The following GANAB variants were observed in gnomAD, a reference collection of about 807,000 sequenced individuals.
The protein encoded by GANAB is neutral alpha-glucosidase AB.
Under a neutral mutation model 129.9 loss-of-function variants are expected in GANAB, and 35 were observed. The observed-to-expected ratio is 0.27, with a 90% CI of 0.21 to 0.36. GANAB has a LOEUF of 0.36. GANAB is among the 10% of genes least tolerant of loss of function. The probability of loss-of-function intolerance (pLI) is 1.00; values close to 1 mark genes in which losing one functional copy is unlikely to be tolerated. For synonymous variants in GANAB, 482 were observed against 451.8 expected (o/e 1.07, Z -0.85); for missense variants, 939 against 1,221.0 (o/e 0.77, Z 3.44).
intron 9 of GANAB, among the ~76,000 whole-genome samples, chr11:62,632,044 G>GC (rs923152607): frequency 1.1e-4 from 16 of 151,298 alleles, no homozygotes; most frequent in Non-Finnish European, 1.9e-4. Flanking sequence ...TGAAATCTCC[G>GC]CTCACTGCAA....
At chr11:62,644,245 ACAC>A (rs1232457786) in intron 1 of GANAB, among the ~76,000 whole-genome samples, 6 of 152,178 alleles carry the variant, frequency 3.9e-5, no homozygotes, top group African/African-American at 1.2e-4. Flanking sequence ...TGCCCGGCTG[ACAC>A]CACATTTTAA....
At chr11:62,646,481 G>C (rs950879466) in intron 1 of GANAB, 81 bp downstream of exon 1, 34 of 1,490,596 alleles carry the variant, frequency 2.3e-5, no homozygotes, top group Admixed American at 1.4e-4. Flanking sequence ...AGAGTGTCAA[G>C]AGACACACAG....
chr11:62,646,446 G>A (rs1472250113), intron 1 of GANAB, 116 bp downstream of exon 1: 15 of 1,202,342 alleles, frequency 1.2e-5, no homozygotes, highest in East Asian at 1.2e-4. Context: ...GAGGAACAAA[G>A]GTTCCTCACG....
intron 20 of GANAB, 82 bp from the exon 21 acceptor site, chr11:62,626,766 GC>G: frequency 1.5e-6 from 2 of 1,297,042 alleles, no homozygotes; most frequent in Non-Finnish European, 1.1e-6. Flanking sequence ...ACTCATGTAT[GC>G]CCACATAGGT....
chr11:62,625,124 T>C lies in GANAB; in HGVS notation c.*691A>G, dbSNP rs1216487884. ...GGGGGCAAAAGAAGTTTAATGCGCATCCCCTAAGAGGTGTGGAAACGTCTT... is the reference window on the plus strand; with the variant it reads ...GGGGGCAAAAGAAGTTTAATGCGCACCCCCTAAGAGGTGTGGAAACGTCTT... On this transcript the variant is annotated 3_prime_UTR_variant, in exon 24 of 24. Transcript: ENST00000356638. 2.4e-6 allele frequency: 1 copy of C among 425,516 alleles called. No homozygotes were observed. 26.4% of individuals were successfully genotyped at this position (425,516 alleles called of 1,614,324 possible).
At chr11:62,634,465 A>C (rs974208535) in intron 5 of GANAB, 5 of 839,118 alleles carry the variant, frequency 6.0e-6, no homozygotes, top group Non-Finnish European at 1.0e-5. Flanking sequence ...TCAGTCGACA[A>C]ACTTCCAGAG....
Position 62,629,477 on chromosome 11 carries a change from A to C in GANAB, c.1834+111T>G. 4.8e-6 allele frequency: 4 copies of C among 832,944 alleles called. No homozygotes were observed. In the South Asian group the frequency reaches 6.5e-5, roughly 13 times the overall value. 51.6% of individuals were successfully genotyped at this position (832,944 alleles called of 1,614,324 possible). A position where few individuals can be genotyped will look rare whatever the true frequency, so the allele number is the denominator to read the frequency against. On this transcript the variant is annotated intron_variant, in intron 15 of 23. Coordinates refer to ENST00000356638, the MANE Select transcript of GANAB (RefSeq NM_198334.3). ...TCCTTCAAAGCGCATAGCTGAGAGG[A>C]AACAGATGCAGTGTGTGGCTCCCAT... is the stretch of plus-strand genomic sequence containing the variant.
chr11:62,639,353 C>G lies in GANAB; in HGVS notation c.252+6G>C, dbSNP rs1195643609. The stretch of plus-strand genomic sequence containing the variant: ...CCCCACCAGACTCTTCCTTGTCTCT[C>G]CTGACCTTGGTGACCTCATGGATCA... On this transcript the variant is annotated splice_donor_region_variant and intron_variant, in intron 3 of 23. Coordinates refer to ENST00000356638, the MANE Select transcript of GANAB (RefSeq NM_198334.3). 2 of 1,582,400 alleles carry G rather than the reference C, an allele frequency of 1.3e-6. No individual in the cohort carries two copies. Among genetic ancestry groups the G allele is most frequent in the Admixed American group, 3.3e-5 (2 of 59,916 alleles).
At chr11:62,633,751 G>A in intron 5 of GANAB, 1 of 579,526 alleles carries the variant, frequency 1.7e-6, no homozygotes, top group Non-Finnish European at 3.1e-6. Flanking sequence ...GCACAGGCCT[G>A]AACACCAGCC....
At position 62,627,366 on chromosome 11, in the gene GANAB, A is replaced by G. The variant is rs751003975; in HGVS notation, c.2181-13T>C. ...CACCCACAGGGGCCTAGGAAGGAAGAAAGACAATAAAGGAAAACTTTTCAA... is the reference window on the plus strand; with the variant it reads ...CACCCACAGGGGCCTAGGAAGGAAGGAAGACAATAAAGGAAAACTTTTCAA... On this transcript the variant is annotated splice_polypyrimidine_tract_variant and intron_variant, in intron 17 of 23. Transcript: ENST00000356638. 1.2e-5 allele frequency: 18 copies of G among 1,450,308 alleles called. No individual in the cohort carries two copies. In the South Asian group the frequency reaches 1.6e-4, roughly 13 times the overall value. The allele number at this position is 1,450,308 out of a possible 1,614,324, so 89.8% of individuals were successfully genotyped here.
rs532418489 is a variant in GANAB at position 62,637,135 on chromosome 11, A to G, written c.380+1848T>C. ...TCAGTCTAGAGGGCCCTAAGGAAACATGACAACTAAATGTAATAACATATC... is the reference window on the plus strand; with the variant it reads ...TCAGTCTAGAGGGCCCTAAGGAAACGTGACAACTAAATGTAATAACATATC... On this transcript the variant is annotated intron_variant, in intron 4 of 23. Transcript: ENST00000356638. 2.6e-5 allele frequency among the ~76,000 whole-genome samples: 4 copies of G among 152,326 alleles called. No homozygotes were observed. The East Asian group carries it at 5.8e-4, about 22-fold the overall frequency.
chr11:62,645,433 G>A (rs955208763), intron 1 of GANAB, among the ~76,000 whole-genome samples: 13 of 151,962 alleles, frequency 8.6e-5, no homozygotes, highest in Admixed American at 7.9e-4. Context: ...CTACTCGGGA[G>A]GCTGAGGCAG....
intron 8 of GANAB, 54 bp downstream of exon 8, chr11:62,632,951 G>A: frequency 8.9e-7 from 1 of 1,122,826 alleles, no homozygotes; most frequent in Admixed American, 1.7e-5. Context: ...TCTCCCTAAA[G>A]GCCTGACTCC....
At chr11:62,635,476 G>A (rs987081082) in intron 4 of GANAB, among the ~76,000 whole-genome samples, 1 of 150,608 alleles carries the variant, frequency 6.6e-6, no homozygotes, top group Admixed American at 6.6e-5. Context: ...CACTGTGCCT[G>A]GCCACTTATT....
At chr11:62,633,369 CA>C in intron 6 of GANAB, 75 bp downstream of exon 6, 1 of 1,559,006 alleles carries the variant, frequency 6.4e-7, no homozygotes, top group East Asian at 2.2e-5. Context: ...AGACTAAGTT[CA>C]AGTTTCTCAT....
rs748100286 is a variant in GANAB, at chr11:62,634,813, G to A, written c.560+8C>T. On this transcript the variant is annotated splice_region_variant and intron_variant, in intron 5 of 23. Transcript: ENST00000356638. ...TAGGTTCCCTGCAGTCCCAACCCCT[G>A]TACTCACGAGACCCTAGGGGCCCTC... The A allele has an allele frequency of 3.7e-6, 6 of 1,610,270 alleles. No homozygotes were observed. Among genetic ancestry groups the A allele is most frequent in the East Asian group, 4.5e-5 (2 of 44,858 alleles).
intron 5 of GANAB, 150 bp from the exon 6 acceptor site, chr11:62,633,664 C>T (rs1182730445): frequency 3.0e-6 from 2 of 663,104 alleles, no homozygotes. Context: ...GAGAGGGAAC[C>T]CACAATGAGC....
At chr11:62,630,174 T>C (rs376223778) in intron 13 of GANAB, 23 bp downstream of exon 13, 5 of 1,563,260 alleles carry the variant, frequency 3.2e-6, no homozygotes, top group Non-Finnish European at 4.4e-6. Flanking sequence ...CAGACGCAGG[T>C]CATGGGGAGA....
intron 9 of GANAB, 34 bp downstream of exon 9, chr11:62,632,531 A>G (rs768158741): frequency 1.3e-6 from 2 of 1,563,716 alleles, no homozygotes; most frequent in Admixed American, 1.7e-5. Context: ...TGGAAGCTTC[A>G]CTCCCTCCTT....
Sources: gnomAD v4.1 joint callset for allele counts (sites outside exome capture counted in the v4.1 genomes callset) on GRCh38, gnomAD v4.1.1 for gene constraint, MANE v1.5 for transcripts, NCBI Gene and HGNC (gene_info 2026-07-23, HGNC 2026-07-21) for gene names.